Variants in TMEM131L observed in about 807,000 individuals in gnomAD.
TMEM131L encodes the protein transmembrane 131 like, also known as transmembrane protein 131-like.
TMEM131L carries 54 observed loss-of-function variants against 192.2 expected under a neutral mutation model. The observed-to-expected ratio is 0.28, with a 90% CI of 0.23 to 0.35. The LOEUF is 0.35. Among genes scored for constraint, TMEM131L ranks in the 10% least tolerant of loss-of-function variants. TMEM131L has a pLI of 1.00. For synonymous variants in TMEM131L, 701 were observed against 704.9 expected (o/e 0.99, Z 0.09); for missense variants, 1,888 against 1,972.9 (o/e 0.96, Z 0.82).
chr4:153,469,585 A>G (rs1731008245), intron 2 of TMEM131L, among the ~76,000 whole-genome samples: 1 of 152,168 alleles, frequency 6.6e-6, no homozygotes. Flanking sequence ...TTCAGAGGCT[A>G]AGATTTGTCA....
At chr4:153,588,841 G>A in intron 15 of TMEM131L, 49 bp from the exon 16 acceptor site, 2 of 993,140 alleles carry the variant, frequency 2.0e-6, no homozygotes, top group Non-Finnish European at 1.6e-6. Flanking sequence ...TTTACTAATT[G>A]AATTATGTTT....
chr4:153,510,011 A>AT (rs1187388397), intron 3 of TMEM131L, among the ~76,000 whole-genome samples: 1 of 152,194 alleles, frequency 6.6e-6, no homozygotes, highest in African/African-American at 2.4e-5. Flanking sequence ...CTACCTTTTC[A>AT]TTTTAAAAGC....
chr4:153,612,210 G>A, intron 25 of TMEM131L, 42 bp from the exon 26 acceptor site: 1 of 1,438,390 alleles, frequency 7.0e-7, no homozygotes. Context: ...AATGTGAGTG[G>A]AAACTATTAG....
At position 153,490,012 on chromosome 4, in the gene TMEM131L, C is replaced by G. The variant is rs75239348; in HGVS notation, c.239+16124C>G. 3.3e-3 allele frequency among the ~76,000 whole-genome samples: 507 copies of G among 152,052 alleles called. 1 individual carries two copies. Among genetic ancestry groups the G allele is most frequent in the Non-Finnish European group, 4.1e-3 (277 of 67,992 alleles). ...AGTTGATTCCCAGGCTGAAGCAGGT[C>G]TTGGTGGGCCATTCTGTTGGTTTGC... On this transcript the variant is annotated intron_variant, in intron 3 of 34. Transcript: ENST00000409959.
intron 3 of TMEM131L, among the ~76,000 whole-genome samples, chr4:153,502,801 C>T (rs149768294): frequency 3.3e-5 from 5 of 152,314 alleles, no homozygotes; most frequent in Non-Finnish European, 7.4e-5. Context: ...TACTTGATCT[C>T]TCTGCCCTGG....
chr4:153,599,673 A>T (rs1452897912), intron 21 of TMEM131L, among the ~76,000 whole-genome samples: 1 of 152,254 alleles, frequency 6.6e-6, no homozygotes, highest in Non-Finnish European at 1.5e-5. Context: ...AAAACATCAA[A>T]AGTGTGCTAA....
At chr4:153,593,005 T>C (rs1232353641) in intron 18 of TMEM131L, among the ~76,000 whole-genome samples, 1 of 152,166 alleles carries the variant, frequency 6.6e-6, no homozygotes. Flanking sequence ...ATCTCAAGGA[T>C]GTTCAAGTCC....
chr4:153,488,309 G>T (rs943293117), intron 3 of TMEM131L, among the ~76,000 whole-genome samples: 3 of 152,228 alleles, frequency 2.0e-5, no homozygotes, highest in Admixed American at 2.0e-4. Flanking sequence ...TAAAAATTCT[G>T]TGAGAAACTG....
At chr4:153,547,679 A>T (rs1458205972) in intron 3 of TMEM131L, among the ~76,000 whole-genome samples, 1 of 152,258 alleles carries the variant, frequency 6.6e-6, no homozygotes, top group African/African-American at 2.4e-5. Flanking sequence ...GGTGATGGCC[A>T]TAGGCCTCGA....
chr4:153,634,141 T>A, intron 32 of TMEM131L, 51 bp from the exon 33 acceptor site: 2 of 1,448,824 alleles, frequency 1.4e-6, no homozygotes, highest in Non-Finnish European at 1.9e-6. Flanking sequence ...TTTTCTTTAC[T>A]TGATGTCTTG....
chr4:153,552,529 T>C (rs1580198200), intron 4 of TMEM131L, among the ~76,000 whole-genome samples: 1 of 152,262 alleles, frequency 6.6e-6, no homozygotes, highest in East Asian at 1.9e-4. Flanking sequence ...ACCTCCCATA[T>C]ACTTTAGATT....
rs1256527850 is a variant in TMEM131L at position 153,634,834 on chromosome 4, A to G, written c.4417+554A>G. 6.6e-5 allele frequency among the ~76,000 whole-genome samples: 10 copies of G among 152,220 alleles called. No homozygotes were observed. In the East Asian group the frequency reaches 1.5e-3, roughly 23 times the overall value. On this transcript the variant is annotated intron_variant, in intron 33 of 34. Coordinates refer to ENST00000409959, the MANE Select transcript of TMEM131L (RefSeq NM_001131007.2). ...TCCCTGGTCAACTGGAAAATGCTCT[A>G]TTGTGCACTACTGTTGGATCATGGT...
intron 7 of TMEM131L, among the ~76,000 whole-genome samples, chr4:153,562,921 A>G (rs1475005347): frequency 6.6e-6 from 1 of 152,230 alleles, no homozygotes; most frequent in Non-Finnish European, 1.5e-5. Flanking sequence ...TAGTAATTTA[A>G]AAGTATTTTC....
chr4:153,583,416 T>C (rs1341336445), intron 10 of TMEM131L, 148 bp from the exon 11 acceptor site: 1 of 758,080 alleles, frequency 1.3e-6, no homozygotes, highest in Non-Finnish European at 2.3e-6. Context: ...ATGAAGATTG[T>C]CAGCATCCCC....
At chr4:153,484,010 C>G (rs115096008) in intron 3 of TMEM131L, among the ~76,000 whole-genome samples, 2,933 of 152,168 alleles carry the variant, frequency 0.019, 54 homozygotes, top group South Asian at 0.069. Flanking sequence ...CTTCTTATTG[C>G]TTAAGAAGGT....
rs7660177 is a variant in TMEM131L, at chr4:153,497,880, A to G, written c.239+23992A>G. Among the ~76,000 whole-genome samples, 950 of 113,620 alleles carry G rather than the reference A, an allele frequency of 8.4e-3. 6 individuals are homozygous for G. The highest frequency in any genetic ancestry group is 0.034 in the African/African-American group (904 of 26,210). 74.5% of individuals were successfully genotyped at this position (113,620 alleles called of 152,430 possible). A position where few individuals can be genotyped will look rare whatever the true frequency, so the allele number is the denominator to read the frequency against. On this transcript the variant is annotated intron_variant, in intron 3 of 34. Coordinates refer to ENST00000409959, the MANE Select transcript of TMEM131L (RefSeq NM_001131007.2). The stretch of plus-strand genomic sequence containing the variant: ...TTCTTTTTGTTATGAAAAATTTCCA[A>G]AAAAAAAAAAAAAAAAAAAGAAAAG...
At chr4:153,601,127 T>G (rs964072611) in intron 21 of TMEM131L, among the ~76,000 whole-genome samples, 2 of 151,198 alleles carry the variant, frequency 1.3e-5, no homozygotes, top group Non-Finnish European at 3.0e-5. Context: ...AAAAAAAGAT[T>G]TGTTAGTAAT....
At chr4:153,553,614 G>T (rs992716563) in intron 4 of TMEM131L, among the ~76,000 whole-genome samples, 2 of 152,142 alleles carry the variant, frequency 1.3e-5, no homozygotes, top group Non-Finnish European at 2.9e-5. Context: ...CGCTGTCCCA[G>T]TTCAGCTTTT....
At chr4:153,535,654 G>T (rs1190371966) in intron 3 of TMEM131L, among the ~76,000 whole-genome samples, 1 of 152,080 alleles carries the variant, frequency 6.6e-6, no homozygotes, top group Non-Finnish European at 1.5e-5. Flanking sequence ...ATAACTATAA[G>T]CTGTATTTAG....
Sources: gnomAD v4.1 joint callset for allele counts (sites outside exome capture counted in the v4.1 genomes callset) on GRCh38, gnomAD v4.1.1 for gene constraint, MANE v1.5 for transcripts, NCBI Gene and HGNC (gene_info 2026-07-23, HGNC 2026-07-21) for gene names.